IGSF11: variants seen among roughly 807,000 people sequenced by gnomAD.
IGSF11 encodes CXADR like 1.
IGSF11 carries 22 observed loss-of-function variants against 41.0 expected under a neutral mutation model. The observed-to-expected ratio is 0.54, with a 90% CI of 0.38 to 0.77. The LOEUF is 0.77. IGSF11 is among the 30% of genes least tolerant of loss of function. IGSF11 has a pLI of 0.00. For synonymous variants in IGSF11, 219 were observed against 201.3 expected (o/e 1.09, Z -0.74); for missense variants, 444 against 530.8 (o/e 0.84, Z 1.61).
chr3:118,941,215 G>T (rs1206819799), intron 1 of IGSF11, among the ~76,000 whole-genome samples: 1 of 151,254 alleles, frequency 6.6e-6, no homozygotes, highest in Admixed American at 6.6e-5. Context: ...GCCATAGGTT[G>T]GGAAAAAATA....
intron 1 of IGSF11, among the ~76,000 whole-genome samples, chr3:119,118,205 T>G (rs1317068120): frequency 6.6e-6 from 1 of 152,232 alleles, no homozygotes; most frequent in Non-Finnish European, 1.5e-5. Context: ...CACATTTCCC[T>G]TCTGCATTGC....
At chr3:119,018,606 G>A (rs1005623313) in intron 1 of IGSF11, among the ~76,000 whole-genome samples, 1 of 152,102 alleles carries the variant, frequency 6.6e-6, no homozygotes, top group African/African-American at 2.4e-5. Context: ...AATTCATTCT[G>A]CTCTACAACT....
intron 1 of IGSF11, among the ~76,000 whole-genome samples, chr3:118,963,321 TTCAATGGATTGTC>T (rs1420499014): frequency 1.3e-5 from 2 of 152,352 alleles, no homozygotes; most frequent in Admixed American, 1.3e-4. Context: ...TATTCTGGAC[TTCAATGGATTGTC>T]TCTCTCTGAC....
intron 1 of IGSF11, among the ~76,000 whole-genome samples, chr3:118,935,760 G>A (rs768583855): frequency 3.9e-5 from 6 of 152,086 alleles, no homozygotes; most frequent in South Asian, 2.1e-4. Context: ...AGTTGAAGCC[G>A]GATATCTAGA....
At chr3:119,037,182 G>A (rs972270974), upstream of IGSF11, among the ~76,000 whole-genome samples, 5 of 152,160 alleles carry the variant, frequency 3.3e-5, no homozygotes, top group East Asian at 1.9e-4. Context: ...TCTGCTTTAC[G>A]ACCACAGAAG....
At chr3:118,996,965 TTTTTAAAAGAAC>T (rs1422280386) in intron 1 of IGSF11, among the ~76,000 whole-genome samples, 1 of 152,168 alleles carries the variant, frequency 6.6e-6, no homozygotes, top group African/African-American at 2.4e-5. Flanking sequence ...CAATAAATAT[TTTTTAAAAGAAC>T]AAAAAAGAAA....
intron 1 of IGSF11, among the ~76,000 whole-genome samples, chr3:118,957,660 C>A (rs936391391): frequency 6.6e-6 from 1 of 152,164 alleles, no homozygotes. Context: ...ATTTCACAAG[C>A]AACATATTTT....
intron 1 of IGSF11, among the ~76,000 whole-genome samples, chr3:119,081,117 A>T (rs1329996967): frequency 3.3e-5 from 5 of 152,140 alleles, no homozygotes; most frequent in Non-Finnish European, 5.9e-5. Context: ...TGAGCATTTG[A>T]CTGTCTAGTG....
At chr3:119,045,274 T>C (rs907953638) in intron 1 of IGSF11, among the ~76,000 whole-genome samples, 3 of 152,144 alleles carry the variant, frequency 2.0e-5, no homozygotes, top group Non-Finnish European at 4.4e-5. Flanking sequence ...TGGGCGCAGG[T>C]CAGTGGGTGC....
Position 118,901,008 on chromosome 3 carries a change from G to C in IGSF11, c.*1512C>G, listed in dbSNP as rs898498883. ...TGAAGACTACGCTTGCAGGAGAAGA[G>C]AGCAAAAAGTATGGTGGTAAGAGGG... is the stretch of plus-strand genomic sequence containing the variant. On this transcript the variant is annotated 3_prime_UTR_variant, in exon 7 of 7. Coordinates refer to ENST00000393775, the MANE Select transcript of IGSF11 (RefSeq NM_001015887.3). 1.3e-5 allele frequency: 2 copies of C among 152,696 alleles called. No homozygotes were observed. The highest frequency in any genetic ancestry group is 1.9e-4 in the East Asian group (1 of 5,184). 9.5% of individuals were successfully genotyped at this position (152,696 alleles called of 1,614,324 possible).
At chr3:118,920,378 A>T (rs1225042240) in intron 4 of IGSF11, among the ~76,000 whole-genome samples, 2 of 151,752 alleles carry the variant, frequency 1.3e-5, no homozygotes, top group Non-Finnish European at 2.9e-5. Flanking sequence ...AAAACCTCCA[A>T]TAAAATATTA....
intron 1 of IGSF11, among the ~76,000 whole-genome samples, chr3:119,022,742 G>A (rs142711998): frequency 3.4e-4 from 52 of 152,266 alleles, no homozygotes; most frequent in Non-Finnish European, 5.4e-4. Flanking sequence ...ACAATACCTA[G>A]TGTTCACTGA....
chr3:119,139,749 C>A (rs1386729698), intron 1 of IGSF11, among the ~76,000 whole-genome samples: 1 of 152,186 alleles, frequency 6.6e-6, no homozygotes, highest in African/African-American at 2.4e-5. Context: ...ACTTTTCTAT[C>A]TAACTCTTTC....
In IGSF11 at chr3:118,928,492, A is replaced by T; in HGVS notation, c.424+17T>A. ...GTGAGTAAAGCCCGAACAGCCAAGG[A>T]CTCTTGTGTCACTCACCTAACACTG... On this transcript the variant is annotated intron_variant, in intron 3 of 6. Transcript: ENST00000393775. 6.2e-7 allele frequency: 1 copy of T among 1,603,618 alleles called. No homozygotes were observed. The highest frequency in any genetic ancestry group is 8.5e-7 in the Non-Finnish European group (1 of 1,172,242).
intron 1 of IGSF11, among the ~76,000 whole-genome samples, chr3:119,060,523 A>G (rs1270732294): frequency 6.6e-6 from 1 of 152,208 alleles, no homozygotes; most frequent in Non-Finnish European, 1.5e-5. Context: ...CAGGCACTGT[A>G]ACTATACTAT....
chr3:119,044,987 AAC>A (rs1941264330), intron 1 of IGSF11, among the ~76,000 whole-genome samples: 2 of 152,188 alleles, frequency 1.3e-5, no homozygotes, highest in Admixed American at 1.3e-4. Context: ...ATAAAACAAT[AAC>A]ACAGTTAAAA....
intron 1 of IGSF11, among the ~76,000 whole-genome samples, chr3:119,013,719 G>A (rs1163131540): frequency 1.1e-4 from 16 of 152,144 alleles, no homozygotes; most frequent in Admixed American, 4.6e-4. Flanking sequence ...CAAAAGATAC[G>A]TTAGAGACCA....
chr3:119,058,376 C>T (rs1941932025), intron 1 of IGSF11, among the ~76,000 whole-genome samples: 1 of 152,214 alleles, frequency 6.6e-6, no homozygotes, highest in Non-Finnish European at 1.5e-5. Flanking sequence ...TGAAAAAATG[C>T]TCATCATCAC....
At chr3:119,040,819 A>G (rs1941091947) in intron 1 of IGSF11, among the ~76,000 whole-genome samples, 1 of 152,250 alleles carries the variant, frequency 6.6e-6, no homozygotes, top group Non-Finnish European at 1.5e-5. Flanking sequence ...TTTACAACAC[A>G]TTCTTTGACC....
Sources: allele counts gnomAD v4.1 joint callset (sites outside exome capture counted in the v4.1 genomes callset), GRCh38; gene constraint gnomAD v4.1.1; transcripts MANE v1.5; gene names NCBI Gene and HGNC (gene_info 2026-07-23, HGNC 2026-07-21).